The following RPTOR variants were observed in gnomAD, a reference collection of about 807,000 sequenced individuals.
RPTOR encodes the protein regulatory-associated protein of mTOR.
RPTOR carries 21 observed loss-of-function variants against 169.9 expected under a neutral mutation model. The observed-to-expected ratio is 0.12, with a 90% CI of 0.09 to 0.18. The LOEUF is 0.18. Ranked by LOEUF, RPTOR falls within the 10% of genes least tolerant of loss-of-function variation. The probability of loss-of-function intolerance (pLI) is 1.00; values close to 1 mark genes in which losing one functional copy is unlikely to be tolerated. For synonymous variants in RPTOR, 732 were observed against 753.2 expected, an observed-to-expected ratio of 0.97 and a Z score of 0.46; for missense variants, 1,133 against 1,855.9, an observed-to-expected ratio of 0.61 and a Z score of 7.16.
intron 2 of RPTOR, among the ~76,000 whole-genome samples, chr17:80,643,029 A>G (rs1385072489): frequency 1.3e-5 from 2 of 152,368 alleles, no homozygotes; most frequent in East Asian, 3.9e-4. Context: ...TTTAAAATGA[A>G]TGAAGAAAAA....
rs754052004 is a variant in RPTOR, at chr17:80,824,355, G to A, written c.1136+1132G>A. 4.6e-5 allele frequency among the ~76,000 whole-genome samples: 7 copies of A among 152,182 alleles called. 1 individual carries two copies. Among genetic ancestry groups the A allele is most frequent in the Admixed American group, 3.3e-4 (5 of 15,286 alleles). On this transcript the variant is annotated intron_variant, in intron 9 of 33. Coordinates refer to ENST00000306801, the MANE Select transcript of RPTOR (RefSeq NM_020761.3). ...TAAATAATGTGTAAATAAAACCACC[G>A]CACATTTATTTTTCACGAATCCATG...
chr17:80,880,432 C>T lies in RPTOR; in HGVS notation c.1527C>T (p.Leu509=), dbSNP rs199794095. 9.9e-6 allele frequency: 16 copies of T among 1,613,748 alleles called. No homozygotes were observed. The highest frequency in any genetic ancestry group is 8.8e-5 in the South Asian group (8 of 91,080). ...LAVDSSCQAD[L]VKDNGHKYFL... is the part of the protein sequence containing the mutation. ...CTGTCCAGTCGTGCCAAGCGGACCT[C>T]GTGAAGGACAACGGCCACAAGTACT... Residue 509 remains leucine, a synonymous_variant, in exon 14 of 34, where the codon CTC becomes CTT. Coordinates refer to ENST00000306801, the MANE Select transcript of RPTOR (RefSeq NM_020761.3).
At chr17:80,716,412 T>TGG (rs1440714303) in intron 4 of RPTOR, among the ~76,000 whole-genome samples, 4 of 152,170 alleles carry the variant, frequency 2.6e-5, no homozygotes, top group African/African-American at 9.7e-5. Flanking sequence ...CAATTTTTGA[T>TGG]GGGATTTTTT....
intron 2 of RPTOR, among the ~76,000 whole-genome samples, chr17:80,642,041 T>G (rs1209722228): frequency 6.6e-6 from 1 of 152,232 alleles, no homozygotes; most frequent in Non-Finnish European, 1.5e-5. Flanking sequence ...CTGACAGTGT[T>G]TGTTTCCACT....
chr17:80,824,246 T>C (rs754850590), intron 9 of RPTOR, among the ~76,000 whole-genome samples: 8 of 152,250 alleles, frequency 5.3e-5, no homozygotes, highest in Non-Finnish European at 7.3e-5. Flanking sequence ...AGTTAAAGCA[T>C]GCATGATCTG....
intron 20 of RPTOR, among the ~76,000 whole-genome samples, chr17:80,908,366 G>A (rs2068570711): frequency 6.6e-6 from 1 of 152,172 alleles, no homozygotes; most frequent in Non-Finnish European, 1.5e-5. Context: ...GAGGTGGGCA[G>A]GAAGCACTCC....
Position 80,964,736 on chromosome 17 carries a change from T to C in RPTOR, c.*406T>C. On this transcript the variant is annotated 3_prime_UTR_variant, in exon 34 of 34. Transcript: ENST00000306801. ...GCGGAGAGGCAGGCGCTGGGGCTCC[T>C]ACGGGTCCCTGGGGCAGCTGTCCCC... 1 of 274,446 alleles carries C rather than the reference T, an allele frequency of 3.6e-6. No homozygotes were observed. The highest frequency in any genetic ancestry group is 8.9e-5 in the South Asian group (1 of 11,220). The allele number at this position is 274,446 out of a possible 1,614,324, so 17.0% of individuals were successfully genotyped here.
chr17:80,589,909 G>A (rs909775072), intron 1 of RPTOR, among the ~76,000 whole-genome samples: 1 of 151,968 alleles, frequency 6.6e-6, no homozygotes, highest in Non-Finnish European at 1.5e-5. Context: ...TTTTCTATCT[G>A]TGCTACACTG....
chr17:80,743,836 C>CTGTCCTGGCTACT (rs2066518602), intron 5 of RPTOR, among the ~76,000 whole-genome samples: 8 of 94,510 alleles, frequency 8.5e-5, no homozygotes, highest in Non-Finnish European at 1.6e-4. Context: ...GCTACTAGCA[C>CTGTCCTGGCTACT]AGCCCTGGTT....
intron 9 of RPTOR, among the ~76,000 whole-genome samples, 170 bp from the exon 10 acceptor site, chr17:80,837,752 C>G (rs538238684): frequency 6.6e-6 from 1 of 152,360 alleles, no homozygotes; most frequent in South Asian, 2.1e-4. Context: ...TCTTCTGCAG[C>G]CCAAATCTGA....
At chr17:80,648,997 A>G (rs1039709812) in intron 3 of RPTOR, among the ~76,000 whole-genome samples, 33 of 152,192 alleles carry the variant, frequency 2.2e-4, no homozygotes, top group Non-Finnish European at 1.5e-4. Context: ...ATGTGGAACT[A>G]TAAGTCTATT....
rs965864079 is a variant in RPTOR at position 80,633,569 on chromosome 17, G to A, written c.265+7776G>A. Reference sequence around the variant, plus strand: ...TCACGCAGAGCTGCCTGCTTCACGCGGGCTGCACCAGGTGATGCGGGGCTG... The same window carrying A: ...TCACGCAGAGCTGCCTGCTTCACGCAGGCTGCACCAGGTGATGCGGGGCTG... On this transcript the variant is annotated intron_variant, in intron 2 of 33. Coordinates refer to ENST00000306801, the MANE Select transcript of RPTOR (RefSeq NM_020761.3). This position sits in a 1 kb window ranked among gnomAD's most constrained non-coding sequence, Gnocchi z 4.1. Among the ~76,000 whole-genome samples the A allele has an allele frequency of 9.2e-5, 14 of 152,188 alleles. No homozygotes were observed. The highest frequency in any genetic ancestry group is 1.3e-4 in the Non-Finnish European group (9 of 68,028).
chr17:80,799,885 G>A (rs1353648271), intron 7 of RPTOR, among the ~76,000 whole-genome samples: 1 of 152,224 alleles, frequency 6.6e-6, no homozygotes, highest in African/African-American at 2.4e-5. Flanking sequence ...AGGTGTGTTT[G>A]TCACGCACAG....
chr17:80,634,331 G>GTGTGCGTACTGTGTGCA (rs1374931470), intron 2 of RPTOR, among the ~76,000 whole-genome samples: 7 of 146,740 alleles, frequency 4.8e-5, no homozygotes, highest in Admixed American at 2.0e-4. Flanking sequence ...TACTATGTGC[G>GTGTGCGTACTGTGTGCA]TGTGCGTACT....
intron 24 of RPTOR, among the ~76,000 whole-genome samples, chr17:80,939,690 C>T (rs1598412614): frequency 1.3e-5 from 2 of 152,330 alleles, no homozygotes; most frequent in East Asian, 1.9e-4. Flanking sequence ...CCTTCTGTCT[C>T]GTAAGCTCCC....
intron 1 of RPTOR, among the ~76,000 whole-genome samples, chr17:80,584,113 C>T (rs1381555170): frequency 1.3e-5 from 2 of 152,204 alleles, no homozygotes; most frequent in Admixed American, 6.5e-5. Flanking sequence ...CGGGCTGAGC[C>T]AGGCCGAGGA....
At chr17:80,592,661 T>G (rs2065115728) in intron 1 of RPTOR, among the ~76,000 whole-genome samples, 1 of 152,228 alleles carries the variant, frequency 6.6e-6, no homozygotes, top group Non-Finnish European at 1.5e-5. Context: ...ATGGGAGATT[T>G]ATTTGGGTAA....
chr17:80,930,198 CAGCTCATCCCCAGCTCATCCT>C (rs2068862910), intron 24 of RPTOR, among the ~76,000 whole-genome samples: 1 of 144,236 alleles, frequency 6.9e-6, no homozygotes, highest in African/African-American at 2.6e-5. Flanking sequence ...AGCTCATGCC[CAGCTCATCCCCAGCTCATCCT>C]CAGCTCATCC....
At chr17:80,735,548 C>G (rs768333757) in intron 5 of RPTOR, among the ~76,000 whole-genome samples, 1 of 152,158 alleles carries the variant, frequency 6.6e-6, no homozygotes, top group Non-Finnish European at 1.5e-5. Context: ...AAGTCTTGTC[C>G]GTCAGTTTCT....
Sources: gnomAD v4.1 joint callset for allele counts (sites outside exome capture counted in the v4.1 genomes callset) on GRCh38, gnomAD v4.1.1 for gene constraint, Gnocchi (gnomAD v3.1) non-coding constraint, MANE v1.5 for transcripts, NCBI Gene and HGNC (gene_info 2026-07-23, HGNC 2026-07-21) for gene names.